Variants in TMEM68 observed in about 807,000 individuals in gnomAD.
The protein encoded by TMEM68 is DGAT1/2-independent enzyme synthesizing storage lipids.
In TMEM68, 25 loss-of-function variants were observed where a neutral mutation model predicts 36.9. The ratio of observed to expected loss-of-function variants is 0.68; its 90% CI spans 0.49 to 0.95. The LOEUF is 0.95. TMEM68 is among the 40% of genes least tolerant of loss of function. The pLI is 0.00. For synonymous variants in TMEM68, 131 were observed against 124.4 expected (o/e 1.05, Z -0.35); for missense variants, 333 against 392.0 (o/e 0.85, Z 1.27).
At chr8:55,741,854 A>C (rs1302976302) in intron 7 of TMEM68, among the ~76,000 whole-genome samples, 1 of 152,206 alleles carries the variant, frequency 6.6e-6, no homozygotes, top group African/African-American at 2.4e-5. Context: ...CAAGTAAAAA[A>C]GCATAGACTT....
At chr8:55,749,705 G>A (rs1810378045) in intron 5 of TMEM68, among the ~76,000 whole-genome samples, 1 of 152,066 alleles carries the variant, frequency 6.6e-6, no homozygotes, top group Non-Finnish European at 1.5e-5. Context: ...ATAATTATAT[G>A]CATCACCTCC....
intron 1 of TMEM68, among the ~76,000 whole-genome samples, chr8:55,768,253 A>G (rs1811036368): frequency 6.6e-6 from 1 of 152,194 alleles, no homozygotes; most frequent in Non-Finnish European, 1.5e-5. Flanking sequence ...CACTTTGGAC[A>G]GGAGAGGACA....
chr8:55,743,866 C>CT (rs1395139483), intron 6 of TMEM68, among the ~76,000 whole-genome samples: 3 of 152,018 alleles, frequency 2.0e-5, no homozygotes, highest in African/African-American at 7.2e-5. Flanking sequence ...ACTCTCTGTA[C>CT]TTTCTATAAA....
intron 3 of TMEM68, among the ~76,000 whole-genome samples, chr8:55,757,210 T>A (rs1343694184): frequency 1.3e-5 from 2 of 152,164 alleles, no homozygotes; most frequent in African/African-American, 4.8e-5. Context: ...TTCTTAAGCA[T>A]GTCAGAGAAC....
At chr8:55,749,349 C>T (rs1810368905) in intron 5 of TMEM68, among the ~76,000 whole-genome samples, 1 of 152,160 alleles carries the variant, frequency 6.6e-6, no homozygotes, top group Non-Finnish European at 1.5e-5. Context: ...TACTATGTTA[C>T]AATTTAAATG....
At chr8:55,741,815 T>C (rs1810110873) in intron 7 of TMEM68, among the ~76,000 whole-genome samples, 1 of 152,166 alleles carries the variant, frequency 6.6e-6, no homozygotes, top group Non-Finnish European at 1.5e-5. Flanking sequence ...AAAATTAATT[T>C]CAATTAAATC....
At chr8:55,759,321 A>T (rs1174397420) in intron 3 of TMEM68, among the ~76,000 whole-genome samples, 2 of 151,802 alleles carry the variant, frequency 1.3e-5, no homozygotes. Flanking sequence ...CTATAATACC[A>T]GCACTTTGGG....
chr8:55,762,270 TAG>T (rs1219936095), intron 3 of TMEM68: 1 of 257,098 alleles, frequency 3.9e-6, no homozygotes, highest in Non-Finnish European at 7.2e-6. Flanking sequence ...TCCACACTGG[TAG>T]AGTCAAACTT....
chr8:55,754,129 T>C (rs944634589), intron 4 of TMEM68, among the ~76,000 whole-genome samples: 5 of 141,362 alleles, frequency 3.5e-5, no homozygotes, highest in South Asian at 4.5e-4. Flanking sequence ...CACACACACA[T>C]ACACACATAT....
At position 55,758,911 on chromosome 8, in the gene TMEM68, T is replaced by C. The variant is rs573529959; in HGVS notation, c.326-2500A>G. On this transcript the variant is annotated intron_variant, in intron 3 of 7. Transcript: ENST00000434581. ...CAGAAAGATGGAAACTATAAAAAAA[T>C]AGAGTCAAATAGAAAGGCTGTAAAC... is the stretch of plus-strand genomic sequence containing the variant. 1.1e-3 allele frequency among the ~76,000 whole-genome samples: 165 copies of C among 152,220 alleles called. No homozygotes were observed. In the South Asian group the frequency reaches 0.018, roughly 17 times the overall value.
chr8:55,747,834 T>C (rs533372303), intron 5 of TMEM68: 3 of 152,314 alleles, frequency 2.0e-5, no homozygotes. Context: ...ACCTAAAATG[T>C]CCAAGAAGAA....
At chr8:55,759,208 C>T (rs946803116) in intron 3 of TMEM68, among the ~76,000 whole-genome samples, 5 of 142,660 alleles carry the variant, frequency 3.5e-5, no homozygotes, top group Non-Finnish European at 3.0e-5. Flanking sequence ...TTGCTTGAGG[C>T]TAGGAGTTTA....
At chr8:55,750,666 A>G (rs374088849) in intron 5 of TMEM68, among the ~76,000 whole-genome samples, 4 of 150,172 alleles carry the variant, frequency 2.7e-5, no homozygotes, top group African/African-American at 9.8e-5. Context: ...CAGCCTCCCG[A>G]GTAGCTGGGA....
At chr8:55,751,877 T>G (rs775948372) in intron 4 of TMEM68, among the ~76,000 whole-genome samples, 2 of 152,178 alleles carry the variant, frequency 1.3e-5, no homozygotes, top group Non-Finnish European at 2.9e-5. Context: ...CATTATTCCC[T>G]GAGAATGGGA....
rs112286583 is a variant in TMEM68, at chr8:55,748,574, GA to G, written c.687+2389del. On this transcript the variant is annotated intron_variant, in intron 5 of 7. Coordinates refer to ENST00000434581, the MANE Select transcript of TMEM68 (RefSeq NM_001286657.2). ...GGAGAGAGGGAGGGAGGGGAGGGAG[GA>G]AGGGGGGGAGAGAGAGAGAGAGAAT... Among the ~76,000 whole-genome samples, 1,332 of 151,152 alleles carry G rather than the reference GA, an allele frequency of 8.8e-3. 29 individuals are homozygous for G. Among genetic ancestry groups the G allele is most frequent in the African/African-American group, 0.031 (1,276 of 41,040 alleles).
intron 5 of TMEM68, among the ~76,000 whole-genome samples, chr8:55,748,827 G>A (rs1218047220): frequency 6.6e-6 from 1 of 152,148 alleles, no homozygotes; most frequent in Non-Finnish European, 1.5e-5. Flanking sequence ...CTGGCCTCAA[G>A]TGATCCTCCT....
chr8:55,761,699 T>C (rs1184365071), intron 3 of TMEM68: 1 of 152,230 alleles, frequency 6.6e-6, no homozygotes, highest in East Asian at 1.9e-4. Flanking sequence ...ATTTGTAGGT[T>C]CGTTAAGTAT....
Position 55,740,164 on chromosome 8 carries a change from T to C in TMEM68, c.943A>G (p.Ile315Val), listed in dbSNP as rs1301677541. ...IDKHQRIPGN[I>V]MSALLERFH is the part of the protein sequence containing the mutation. The stretch of plus-strand genomic sequence containing the variant: ...AAACGTTCTAACAAAGCACTCATAA[T>C]GTTTCCTGGTATTCTTTGGTGCTTA... Residue 315 changes from isoleucine (I) to valine (V), a missense_variant, in exon 8 of 8, where the codon ATT (isoleucine) becomes GTT (valine). Coordinates refer to ENST00000434581, the MANE Select transcript of TMEM68 (RefSeq NM_001286657.2). The C allele has an allele frequency of 6.2e-7, 1 of 1,613,598 alleles. No individual in the cohort carries two copies.
In TMEM68 at chr8:55,762,971, T is replaced by C. The variant is rs772725518; in HGVS notation, c.-12A>G. 6.4e-7 allele frequency: 1 copy of C among 1,565,244 alleles called. No individual in the cohort carries two copies. Among genetic ancestry groups the C allele is most frequent in the Admixed American group, 2.0e-5 (1 of 49,768 alleles). ...TTTTTGTCTATCATTTTTCTTCAGG[T>C]GAAAATGACAAATTCAGTTTCTTTC... On this transcript the variant is annotated 5_prime_UTR_variant, in exon 3 of 8. Transcript: ENST00000434581.
Sources: gnomAD v4.1 joint callset for allele counts (sites outside exome capture counted in the v4.1 genomes callset) on GRCh38, gnomAD v4.1.1 for gene constraint, MANE v1.5 for transcripts, NCBI Gene and HGNC (gene_info 2026-07-23, HGNC 2026-07-21) for gene names.